The following ADAMTS20 variants were observed in gnomAD, a reference collection of about 807,000 sequenced individuals.
ADAMTS20 encodes ADAM metallopeptidase with thrombospondin type 1 motif 20, also known as A disintegrin and metalloproteinase with thrombospondin motifs 20.
Under a neutral mutation model 260.1 loss-of-function variants are expected in ADAMTS20, and 225 were observed. The observed-to-expected ratio is 0.87, with a 90% CI of 0.78 to 0.97. ADAMTS20 has a LOEUF of 0.97. Among genes scored for constraint, ADAMTS20 ranks in the 50% least tolerant of loss-of-function variants. The probability of loss-of-function intolerance (pLI) is 0.00; values close to 1 mark genes in which losing one functional copy is unlikely to be tolerated. For missense variants in ADAMTS20, 2,400 were observed against 2,337.7 expected, an observed-to-expected ratio of 1.03 and a Z score of -0.55; for synonymous variants, 802 against 769.5, an observed-to-expected ratio of 1.04 and a Z score of -0.70.
rs1457437752 is a variant in ADAMTS20 at position 43,420,825 on chromosome 12, TGAGATGGGG to T, written c.4284+4680_4284+4688del. Among the ~76,000 whole-genome samples, 262 of 111,286 alleles carry T rather than the reference TGAGATGGGG, an allele frequency of 2.4e-3. 2 individuals are homozygous for T. The highest frequency in any genetic ancestry group is 9.5e-3 in the African/African-American group (245 of 25,824). 73.0% of individuals were successfully genotyped at this position (111,286 alleles called of 152,430 possible). On this transcript the variant is annotated intron_variant, in intron 28 of 38. Transcript: ENST00000389420. Reference sequence around the variant, plus strand: ...CTTTTTTTTTTTTTTTTTTTTTTTTTGAGATGGGGTCTCGGTCTGTCACGCAGGCTGGAA... The same window carrying T: ...CTTTTTTTTTTTTTTTTTTTTTTTTTTCTCGGTCTGTCACGCAGGCTGGAA...
chr12:43,379,451 G>A (rs1453301117), intron 31 of ADAMTS20, among the ~76,000 whole-genome samples: 1 of 152,078 alleles, frequency 6.6e-6, no homozygotes. Flanking sequence ...AGCATCTGAG[G>A]AGGGCCTGCA....
chr12:43,425,421 T>C (rs1941312751), intron 28 of ADAMTS20, 93 bp downstream of exon 28: 2 of 1,148,664 alleles, frequency 1.7e-6, no homozygotes, highest in East Asian at 5.9e-5. Flanking sequence ...GAATGTAAAA[T>C]AAAAGTCGAA....
rs1204685543 is a variant in ADAMTS20, at chr12:43,377,438, G to A, written c.4922C>T (p.Pro1641Leu). The change falls in exon 32 of 39, where the codon CCT becomes CTT. Residue 1641 changes from proline (P) to leucine (L), a missense_variant. Pro to Leu is a moderately conservative substitution (Grantham distance 98, BLOSUM62 -3). Coordinates refer to ENST00000389420, the MANE Select transcript of ADAMTS20 (RefSeq NM_025003.5). ...PIVYQECPVV[P>L]SSQVYQCINS... The stretch of plus-strand genomic sequence containing the variant: ...AATGCATTGGTAAACCTGAGAGGAA[G>A]GCACCACAGGGCATTCTTGATAAAC... The A allele has an allele frequency of 1.2e-6, 2 of 1,613,492 alleles. No homozygotes were observed. The highest frequency in any genetic ancestry group is 1.7e-6 in the Non-Finnish European group (2 of 1,179,668).
At chr12:43,481,322 A>G (rs1000875325) in intron 7 of ADAMTS20, among the ~76,000 whole-genome samples, 19 of 149,282 alleles carry the variant, frequency 1.3e-4, no homozygotes, top group Non-Finnish European at 2.2e-4. Flanking sequence ...AACACTTAAG[A>G]AAATAAAACA....
At chr12:43,388,222 G>T (rs544734046) in intron 29 of ADAMTS20, among the ~76,000 whole-genome samples, 1 of 152,160 alleles carries the variant, frequency 6.6e-6, no homozygotes, top group South Asian at 2.1e-4. Context: ...TAGTATCCGG[G>T]CCAGATAGGA....
At chr12:43,452,146 G>A in intron 14 of ADAMTS20, 128 bp downstream of exon 14, 1 of 952,780 alleles carries the variant, frequency 1.0e-6, no homozygotes, top group Non-Finnish European at 1.5e-6. Context: ...TGATAACAAA[G>A]GTTGCTTTGT....
In ADAMTS20 at chr12:43,452,428, G is replaced by T. The variant is rs765248852; in HGVS notation, c.1943-18C>A. The T allele has an allele frequency of 6.2e-7, 1 of 1,605,424 alleles. No individual in the cohort carries two copies. The highest frequency in any genetic ancestry group is 1.7e-5 in the Admixed American group (1 of 57,984). On this transcript the variant is annotated intron_variant, in intron 13 of 38. Coordinates refer to ENST00000389420, the MANE Select transcript of ADAMTS20 (RefSeq NM_025003.5). Reference sequence around the variant, plus strand: ...TGTGCCAACTGTAAAAAAGAAAAAGGTCAAATTTTTAATGTATAATAATAA... The same window carrying T: ...TGTGCCAACTGTAAAAAAGAAAAAGTTCAAATTTTTAATGTATAATAATAA...
intron 3 of ADAMTS20, among the ~76,000 whole-genome samples, chr12:43,529,979 T>C (rs1943198097): frequency 6.6e-6 from 1 of 152,138 alleles, no homozygotes; most frequent in Non-Finnish European, 1.5e-5. Flanking sequence ...TTATTAGTGA[T>C]TAAAAATGTG....
chr12:43,537,714 A>G (rs1260395469), intron 2 of ADAMTS20, among the ~76,000 whole-genome samples: 1 of 151,856 alleles, frequency 6.6e-6, no homozygotes, highest in African/African-American at 2.4e-5. Flanking sequence ...TCTACTCTCT[A>G]TGTCCATGAG....
chr12:43,361,073 C>T (rs1198663901), intron 37 of ADAMTS20, among the ~76,000 whole-genome samples: 3 of 152,210 alleles, frequency 2.0e-5, no homozygotes, highest in Non-Finnish European at 4.4e-5. Flanking sequence ...TCACACCACA[C>T]TCCTTAACTT....
intron 29 of ADAMTS20, among the ~76,000 whole-genome samples, chr12:43,385,000 T>A (rs967670406): frequency 6.6e-6 from 1 of 152,202 alleles, no homozygotes; most frequent in African/African-American, 2.4e-5. Context: ...TCAAATGCTA[T>A]TTCTGGTTCT....
In ADAMTS20 at chr12:43,392,134, A is replaced by T. The variant is rs191750635; in HGVS notation, c.4452+6932T>A. Among the ~76,000 whole-genome samples, 763 of 152,264 alleles carry T rather than the reference A, an allele frequency of 5.0e-3. 5 individuals carry two copies. Among genetic ancestry groups the T allele is most frequent in the Non-Finnish European group, 6.6e-3 (452 of 67,982 alleles). On this transcript the variant is annotated intron_variant, in intron 29 of 38. Coordinates refer to ENST00000389420, the MANE Select transcript of ADAMTS20 (RefSeq NM_025003.5). ...TGTAGAGAATAATAATTTCATGTGC[A>T]CTTTGTGTATGGCACAATATTAAAT...
Position 43,428,711 on chromosome 12 carries a change from G to A in ADAMTS20, c.3578C>T (p.Ala1193Val). 1 of 1,612,500 alleles carries A rather than the reference G, an allele frequency of 6.2e-7. No homozygotes were observed. Among genetic ancestry groups the A allele is most frequent in the Non-Finnish European group, 8.5e-7 (1 of 1,178,988 alleles). ...LDRIADESYCAHLPRPAEIWD... is the reference protein window; with the variant it reads ...LDRIADESYCVHLPRPAEIWD... Reference sequence around the variant, plus strand: ...TATTTCAGCAGGTCGGGGTAAGTGGGCACAATATGATTCATCTGCTATTCT... The same window carrying A: ...TATTTCAGCAGGTCGGGGTAAGTGGACACAATATGATTCATCTGCTATTCT... The change falls in exon 25 of 39, where the codon GCC (alanine) becomes GTC (valine). Residue 1193 changes from alanine to valine, a missense_variant. By Grantham distance (64) the Ala-to-Val change is moderately conservative (BLOSUM62 0). Transcript: ENST00000389420.
intron 23 of ADAMTS20, among the ~76,000 whole-genome samples, 188 bp downstream of exon 23, chr12:43,430,164 T>C (rs1941412824): frequency 6.6e-6 from 1 of 151,764 alleles, no homozygotes; most frequent in African/African-American, 2.4e-5. Flanking sequence ...AAAAAATTCA[T>C]TGATAAAGCT....
chr12:43,486,616 G>T (rs1460209077), intron 7 of ADAMTS20, among the ~76,000 whole-genome samples: 7 of 152,098 alleles, frequency 4.6e-5, no homozygotes, highest in African/African-American at 1.7e-4. Flanking sequence ...CACAGCAAAA[G>T]AAATAATCAT....
chr12:43,426,334 C>A (rs992932740), intron 27 of ADAMTS20, among the ~76,000 whole-genome samples: 12 of 152,098 alleles, frequency 7.9e-5, no homozygotes, highest in South Asian at 2.1e-4. Context: ...GAAGTACTTT[C>A]GTTTTGGAAA....
rs750557744 is a variant in ADAMTS20, at chr12:43,532,206, A to C, written c.454-11T>G. 6.3e-7 allele frequency: 1 copy of C among 1,586,008 alleles called. No individual in the cohort carries two copies. The highest frequency in any genetic ancestry group is 8.6e-7 in the Non-Finnish European group (1 of 1,167,676). On this transcript the variant is annotated splice_polypyrimidine_tract_variant and intron_variant, in intron 2 of 38. Transcript: ENST00000389420. ...TTTAAATGTTCCCGTCTGAAAATAA[A>C]GGAAACAAAAATGAATTTTTCCTAA...
chr12:43,408,420 A>T (rs1000987774), intron 28 of ADAMTS20, among the ~76,000 whole-genome samples: 2 of 152,204 alleles, frequency 1.3e-5, no homozygotes, highest in African/African-American at 4.8e-5. Context: ...AAATTCTTAA[A>T]ATCAAGTGCC....
At chr12:43,442,310 T>G (rs1045403740) in intron 16 of ADAMTS20, among the ~76,000 whole-genome samples, 4 of 151,316 alleles carry the variant, frequency 2.6e-5, no homozygotes, top group African/African-American at 9.7e-5. Flanking sequence ...CAGGCTGGAG[T>G]GCAGTGACAC....
Sources: allele counts gnomAD v4.1 joint callset (sites outside exome capture counted in the v4.1 genomes callset), GRCh38; gene constraint gnomAD v4.1.1; transcripts MANE v1.5; gene names NCBI Gene and HGNC (gene_info 2026-07-23, HGNC 2026-07-21).